Variants in WWP2 observed in about 807,000 individuals in gnomAD.
WWP2 encodes the protein WW domain containing E3 ubiquitin protein ligase 2.
In WWP2, 57 loss-of-function variants were observed where a neutral mutation model predicts 121.0. The ratio of observed to expected loss-of-function variants is 0.47; its 90% CI spans 0.38 to 0.59. The LOEUF (loss-of-function observed/expected upper bound fraction) is 0.59, where lower values mean the gene tolerates loss of function less well. Ranked by LOEUF, WWP2 falls within the 20% of genes least tolerant of loss-of-function variation. The probability of loss-of-function intolerance (pLI) is 0.00; values close to 1 mark genes in which losing one functional copy is unlikely to be tolerated. For missense variants in WWP2, 962 were observed against 1,158.9 expected (o/e 0.83, Z 2.47); for synonymous variants, 449 against 441.3 (o/e 1.02, Z -0.22).
In WWP2 at chr16:69,842,130, C is replaced by T. The variant is rs2056990235; in HGVS notation, c.575+10C>T. 1 of 1,610,658 alleles carries T rather than the reference C, an allele frequency of 6.2e-7. No individual in the cohort carries two copies. ...TTGGTGGAAGATCCCGGTAAGACCCCCCTTGGTGAGGACAAAGAGCTAAGA... is the reference window on the plus strand; with the variant it reads ...TTGGTGGAAGATCCCGGTAAGACCCTCCTTGGTGAGGACAAAGAGCTAAGA... On this transcript the variant is annotated intron_variant, in intron 6 of 23. Coordinates refer to ENST00000359154, the MANE Select transcript of WWP2 (RefSeq NM_001270454.2).
chr16:69,915,208 CAGAAAAA>C (rs2151970144), intron 9 of WWP2, among the ~76,000 whole-genome samples: 1 of 152,172 alleles, frequency 6.6e-6, no homozygotes, highest in South Asian at 2.1e-4. Flanking sequence ...TTCTCACCTC[CAGAAAAA>C]AGAAAAAAGT....
chr16:69,847,913 G>A (rs1231918627), intron 6 of WWP2, among the ~76,000 whole-genome samples: 1 of 152,074 alleles, frequency 6.6e-6, no homozygotes, highest in Non-Finnish European at 1.5e-5. Flanking sequence ...ACCATAGCAG[G>A]GAGTCAAGTT....
At chr16:69,792,942 C>T (rs373426555) in intron 2 of WWP2, among the ~76,000 whole-genome samples, 2 of 152,212 alleles carry the variant, frequency 1.3e-5, no homozygotes, top group Non-Finnish European at 2.9e-5. Context: ...CCTTCTGCCT[C>T]GGCCTCCTAA....
intron 8 of WWP2, among the ~76,000 whole-genome samples, chr16:69,898,663 A>G (rs1320996140): frequency 6.6e-6 from 1 of 151,764 alleles, no homozygotes; most frequent in East Asian, 1.9e-4. Flanking sequence ...ATTTGTCTTT[A>G]TATATATTTA....
At chr16:69,815,164 G>A (rs1352178573) in intron 4 of WWP2, among the ~76,000 whole-genome samples, 2 of 151,916 alleles carry the variant, frequency 1.3e-5, no homozygotes, top group Admixed American at 1.3e-4. Flanking sequence ...CACCATGCCT[G>A]GCTAATTTTT....
intron 6 of WWP2, among the ~76,000 whole-genome samples, chr16:69,871,443 T>G (rs2057634606): frequency 6.6e-6 from 1 of 152,248 alleles, no homozygotes; most frequent in South Asian, 2.1e-4. Context: ...GGGGAAATAT[T>G]TCATCTGAGC....
intron 6 of WWP2, among the ~76,000 whole-genome samples, chr16:69,858,822 T>G (rs1229317006): frequency 6.6e-6 from 1 of 152,206 alleles, no homozygotes; most frequent in Non-Finnish European, 1.5e-5. Context: ...TCATTTATAC[T>G]AGGTGTTCAA....
intron 6 of WWP2, among the ~76,000 whole-genome samples, chr16:69,852,571 G>A (rs1315801176): frequency 6.6e-6 from 1 of 152,164 alleles, no homozygotes; most frequent in South Asian, 2.1e-4. Context: ...GCCTTGCCCG[G>A]CCTATGATAT....
intron 4 of WWP2, among the ~76,000 whole-genome samples, chr16:69,824,521 C>A (rs1489782831): frequency 2.0e-5 from 3 of 148,290 alleles, no homozygotes; most frequent in African/African-American, 5.0e-5. Flanking sequence ...CCCCCCTCCC[C>A]CTCCCTCCCC....
At chr16:69,917,429 C>T (rs1220072543) in intron 9 of WWP2, among the ~76,000 whole-genome samples, 1 of 152,244 alleles carries the variant, frequency 6.6e-6, no homozygotes, top group East Asian at 1.9e-4. Context: ...ACATACATCA[C>T]ATGTGCACTT....
At chr16:69,818,346 T>G (rs1019579478) in intron 4 of WWP2, among the ~76,000 whole-genome samples, 1 of 152,094 alleles carries the variant, frequency 6.6e-6, no homozygotes, top group East Asian at 1.9e-4. Flanking sequence ...TAGCTGGGAT[T>G]ACAGGCACCT....
At chr16:69,810,448 C>T (rs1299542903) in intron 4 of WWP2, among the ~76,000 whole-genome samples, 10 of 146,046 alleles carry the variant, frequency 6.8e-5, no homozygotes, top group Non-Finnish European at 8.9e-5. Context: ...TTTTTTGAGA[C>T]GGAGTTTCGC....
intron 1 of WWP2, 120 bp downstream of exon 1, chr16:69,762,511 C>T (rs1214389379): frequency 2.0e-5 from 3 of 149,528 alleles, no homozygotes; most frequent in Non-Finnish European, 4.5e-5. Context: ...GGGGCGGCGG[C>T]TTCCTGTGGG....
chr16:69,816,698 CACGTATACAT>C (rs1484203697), intron 4 of WWP2, among the ~76,000 whole-genome samples: 1 of 152,030 alleles, frequency 6.6e-6, no homozygotes, highest in Non-Finnish European at 1.5e-5. Context: ...TACATATACA[CACGTATACAT>C]GTACACATGT....
rs1300132495 is a variant in WWP2, at chr16:69,799,493, G to C, written c.340+198G>C. 2 of 647,702 alleles carry C rather than the reference G, an allele frequency of 3.1e-6. No homozygotes were observed. Among genetic ancestry groups the C allele is most frequent in the Non-Finnish European group, 4.9e-6 (2 of 407,692 alleles). The allele number at this position is 647,702 out of a possible 1,614,324, so 40.1% of individuals were successfully genotyped here. On this transcript the variant is annotated intron_variant, in intron 4 of 23. Transcript: ENST00000359154. The surrounding 1 kb of genome is among the most constrained non-coding windows in gnomAD (Gnocchi z 4.5). ...ACAGAGTTTAGCCCTCTTTGTCCAG[G>C]GCCTCTAGTAATGTGATGCAGTGGT...
At chr16:69,914,643 G>T (rs989584387) in intron 9 of WWP2, among the ~76,000 whole-genome samples, 22 of 152,050 alleles carry the variant, frequency 1.4e-4, no homozygotes, top group Admixed American at 1.1e-3. Flanking sequence ...TGTAGTCCTA[G>T]CTACTTGGGA....
intron 10 of WWP2, among the ~76,000 whole-genome samples, chr16:69,918,845 CTTT>C (rs113707256): frequency 2.9e-5 from 4 of 139,572 alleles, no homozygotes; most frequent in Admixed American, 7.3e-5. Context: ...CCTTTTCTTT[CTTT>C]TTTTTTTTTT....
At chr16:69,879,387 T>C (rs1425659198) in intron 7 of WWP2, among the ~76,000 whole-genome samples, 1 of 152,030 alleles carries the variant, frequency 6.6e-6, no homozygotes, top group Non-Finnish European at 1.5e-5. Flanking sequence ...CCCCCCAACC[T>C]GACCGGCCCC....
At chr16:69,887,338 A>G (rs1027183450) in intron 7 of WWP2, among the ~76,000 whole-genome samples, 1 of 152,194 alleles carries the variant, frequency 6.6e-6, no homozygotes, top group Non-Finnish European at 1.5e-5. Context: ...TAGCAAACAA[A>G]TGACAAATTT....
Sources: allele counts gnomAD v4.1 joint callset (sites outside exome capture counted in the v4.1 genomes callset), GRCh38; gene constraint gnomAD v4.1.1; non-coding constraint Gnocchi (gnomAD v3.1); transcripts MANE v1.5; gene names NCBI Gene and HGNC (gene_info 2026-07-23, HGNC 2026-07-21).